KCNN2: variants seen among roughly 807,000 people sequenced by gnomAD.
The protein encoded by KCNN2 is potassium calcium-activated channel subfamily N member 2.
Under a neutral mutation model 55.5 loss-of-function variants are expected in KCNN2, and 24 were observed. That is an observed-to-expected ratio of 0.43 (90% confidence interval 0.31 to 0.61). The LOEUF (loss-of-function observed/expected upper bound fraction) is 0.61. Among genes scored for constraint, KCNN2 ranks in the 20% least tolerant of loss-of-function variants. The pLI, the probability that KCNN2 is intolerant of heterozygous loss-of-function variation, is 0.08. For synonymous variants in KCNN2, 431 were observed against 336.1 expected (o/e 1.28, Z -3.09); for missense variants, 754 against 853.6 (o/e 0.88, Z 1.45).
intron 1 of KCNN2, among the ~76,000 whole-genome samples, chr5:114,152,118 G>A (rs1289100777): frequency 6.6e-6 from 1 of 151,972 alleles, no homozygotes; most frequent in Non-Finnish European, 1.5e-5. Flanking sequence ...TAAGTGCTTT[G>A]GCATAGCAAT....
chr5:114,363,723 C>T (rs1253114017), intron 1 of KCNN2, among the ~76,000 whole-genome samples, 183 bp from the exon 2 acceptor site: 2 of 152,166 alleles, frequency 1.3e-5, no homozygotes, highest in African/African-American at 4.8e-5. Flanking sequence ...CTACTCTCGT[C>T]TCTTTTGGTT....
At chr5:114,064,142 C>G (rs761785359) in intron 1 of KCNN2, among the ~76,000 whole-genome samples, 12 of 152,238 alleles carry the variant, frequency 7.9e-5, no homozygotes, top group Middle Eastern at 3.4e-3. Context: ...AAAAAGATCC[C>G]CAGATGATTC....
At chr5:114,418,645 C>G (rs1045045820) in intron 3 of KCNN2, among the ~76,000 whole-genome samples, 1 of 152,096 alleles carries the variant, frequency 6.6e-6, no homozygotes, top group African/African-American at 2.4e-5. Context: ...TGACAGAGCT[C>G]CAAAGTTTTT....
intron 2 of KCNN2, among the ~76,000 whole-genome samples, chr5:114,312,529 C>A (rs1026988487): frequency 8.5e-5 from 12 of 141,032 alleles, no homozygotes; most frequent in African/African-American, 3.2e-4. Flanking sequence ...GGTCAAGAAC[C>A]CAAGTGTTGC....
Position 114,362,300 on chromosome 5 carries a change from C to G in KCNN2, c.161C>G (p.Ala54Gly). Residue 54 changes from alanine (A) to glycine (G), a missense_variant, in exon 1 of 8, where the codon GCG (alanine) becomes GGG (glycine). Physicochemically the swap from Ala to Gly is moderately conservative, Grantham distance 60. This residue lies in a region of KCNN2 where 381 missense variants were observed against 259.1 expected (regional missense o/e 1.47). Coordinates refer to ENST00000673685, the MANE Select transcript of KCNN2 (RefSeq NM_021614.4). ...LPHPHHHPHL[A>G]HQQPASGGSS... Reference sequence around the variant, plus strand: ...CACCCTCACCACCACCCGCACCTCGCGCACCAGCAGCCGGCCAGCGGCGGC... The same window carrying G: ...CACCCTCACCACCACCCGCACCTCGGGCACCAGCAGCCGGCCAGCGGCGGC... The G allele has an allele frequency of 5.4e-6, 1 of 185,202 alleles. No homozygotes were observed. Among genetic ancestry groups the G allele is most frequent in the Non-Finnish European group, 1.1e-5 (1 of 90,662 alleles). 11.5% of individuals were successfully genotyped at this position (185,202 alleles called of 1,614,324 possible). A position where few individuals can be genotyped will look rare whatever the true frequency, so the allele number is the denominator to read the frequency against.
intron 2 of KCNN2, among the ~76,000 whole-genome samples, chr5:114,231,508 G>A (rs1017058426): frequency 1.1e-4 from 17 of 150,704 alleles, no homozygotes; most frequent in Non-Finnish European, 2.5e-4. Flanking sequence ...CATATGGCTA[G>A]CCAGTTTTCT....
chr5:114,274,377 T>C (rs889058520), intron 2 of KCNN2, among the ~76,000 whole-genome samples: 3 of 152,156 alleles, frequency 2.0e-5, no homozygotes, highest in Non-Finnish European at 1.5e-5. Context: ...GTGAGTAAAG[T>C]CAGTGGTAGC....
chr5:114,406,302 GCTAT>G (rs60220564), intron 3 of KCNN2, among the ~76,000 whole-genome samples: 4,284 of 149,368 alleles, frequency 0.029, 178 homozygotes, highest in African/African-American at 0.096. Flanking sequence ...TTGTTTTGGA[GCTAT>G]CTATTAACTT....
chr5:114,365,334 A>C (rs945990085), intron 2 of KCNN2, among the ~76,000 whole-genome samples: 6 of 152,240 alleles, frequency 3.9e-5, no homozygotes, highest in Non-Finnish European at 7.3e-5. Flanking sequence ...TAAAGTTTTA[A>C]CAGTTTACAT....
intron 2 of KCNN2, among the ~76,000 whole-genome samples, chr5:114,321,466 C>T (rs1427224752): frequency 6.6e-6 from 1 of 152,114 alleles, no homozygotes; most frequent in Non-Finnish European, 1.5e-5. Context: ...GAATACAACT[C>T]TTTTGTCTAT....
chr5:114,353,805 T>G (rs566430599), intron 2 of KCNN2, among the ~76,000 whole-genome samples: 5 of 152,114 alleles, frequency 3.3e-5, no homozygotes, highest in African/African-American at 1.2e-4. Context: ...GAGAAGTCAG[T>G]GGTTGATCTT....
chr5:114,288,530 A>G (rs1055729180), intron 2 of KCNN2, among the ~76,000 whole-genome samples: 2 of 150,960 alleles, frequency 1.3e-5, no homozygotes, highest in Admixed American at 6.6e-5. Context: ...ACACACACAC[A>G]TACACATAGA....
At chr5:114,080,449 A>G (rs1015371921) in intron 1 of KCNN2, among the ~76,000 whole-genome samples, 1 of 152,102 alleles carries the variant, frequency 6.6e-6, no homozygotes, top group Non-Finnish European at 1.5e-5. Context: ...AAAGGTTTTT[A>G]TTTATACATT....
intron 1 of KCNN2, among the ~76,000 whole-genome samples, chr5:114,136,861 T>G (rs1044381328): frequency 1.3e-5 from 2 of 152,196 alleles, no homozygotes; most frequent in African/African-American, 4.8e-5. Context: ...GCATTCAAGT[T>G]TGCTTTATAT....
intron 1 of KCNN2, among the ~76,000 whole-genome samples, chr5:114,163,397 C>G (rs151232144): frequency 0.02 from 3,107 of 152,166 alleles, 104 homozygotes; most frequent in African/African-American, 0.07. Context: ...CAGCTTTTGT[C>G]TATTCAGTAT....
At chr5:114,059,742 G>T (rs996934637) in intron 1 of KCNN2, among the ~76,000 whole-genome samples, 2 of 152,278 alleles carry the variant, frequency 1.3e-5, no homozygotes, top group East Asian at 3.9e-4. Flanking sequence ...GCCAGAAATG[G>T]CAGGGACTAG....
chr5:114,220,601 G>A (rs4451040), intron 1 of KCNN2, among the ~76,000 whole-genome samples: 22 of 152,158 alleles, frequency 1.4e-4, no homozygotes, highest in Non-Finnish European at 2.8e-4. Flanking sequence ...GACTTAATAC[G>A]AGGATTAGCA....
At chr5:114,490,136 C>T (rs1747777793) in intron 6 of KCNN2, among the ~76,000 whole-genome samples, 1 of 152,124 alleles carries the variant, frequency 6.6e-6, no homozygotes, top group Non-Finnish European at 1.5e-5. Flanking sequence ...AGCAACTTTC[C>T]CTTTAAAGTT....
intron 2 of KCNN2, among the ~76,000 whole-genome samples, chr5:114,306,957 G>T (rs931262570): frequency 6.6e-6 from 1 of 151,852 alleles, no homozygotes; most frequent in Non-Finnish European, 1.5e-5. Context: ...ACCCACCTTG[G>T]CCTCCCAAAG....
Sources: allele counts gnomAD v4.1 joint callset (sites outside exome capture counted in the v4.1 genomes callset), GRCh38; gene constraint gnomAD v4.1.1; regional missense constraint gnomAD v4.1.1; transcripts MANE v1.5; gene names NCBI Gene and HGNC (gene_info 2026-07-23, HGNC 2026-07-21).